Variants in BABAM2 observed in about 807,000 individuals in gnomAD.
The protein encoded by BABAM2 is BRISC and BRCA1 A complex member 2.
Under a neutral mutation model 54.7 loss-of-function variants are expected in BABAM2, and 31 were observed. The ratio of observed to expected loss-of-function variants is 0.57; its 90% CI spans 0.43 to 0.77. The LOEUF (loss-of-function observed/expected upper bound fraction) is 0.77. BABAM2 is among the 30% of genes least tolerant of loss of function. The pLI is 0.00. For missense variants in BABAM2, 364 were observed against 455.8 expected (o/e 0.80, Z 1.83); for synonymous variants, 167 against 162.9 (o/e 1.03, Z -0.19).
intron 7 of BABAM2, among the ~76,000 whole-genome samples, chr2:28,143,306 A>C (rs1573672721): frequency 6.6e-6 from 1 of 152,114 alleles, no homozygotes; most frequent in Admixed American, 6.5e-5. Context: ...TGTCAAATAC[A>C]CAGAAACAGA....
chr2:28,333,786 A>T (rs1414022839), intron 11 of BABAM2, among the ~76,000 whole-genome samples: 3 of 152,144 alleles, frequency 2.0e-5, no homozygotes, highest in Non-Finnish European at 4.4e-5. Flanking sequence ...GTTAATGGGG[A>T]GGTGAGAAGA....
At chr2:28,235,307 G>C (rs537547068) in intron 7 of BABAM2, among the ~76,000 whole-genome samples, 1 of 152,122 alleles carries the variant, frequency 6.6e-6, no homozygotes, top group African/African-American at 2.4e-5. Context: ...CTCCCAAGTA[G>C]CTGGGATTAC....
chr2:27,998,290 G>A (rs141415727), intron 4 of BABAM2, among the ~76,000 whole-genome samples: 1,822 of 151,830 alleles, frequency 0.012, 12 homozygotes, highest in Admixed American at 0.018. Flanking sequence ...CAAAGAGCTG[G>A]ATTTAAACAA....
intron 2 of BABAM2, among the ~76,000 whole-genome samples, chr2:27,905,683 C>G (rs1348787060): frequency 6.6e-6 from 1 of 152,072 alleles, no homozygotes; most frequent in Non-Finnish European, 1.5e-5. Context: ...AGCAGTATAA[C>G]AGGAACTATT....
In BABAM2 at chr2:28,224,609, A is replaced by G. The variant is rs72855692; in HGVS notation, c.681-12593A>G. 8.8e-3 allele frequency among the ~76,000 whole-genome samples: 1,347 copies of G among 152,268 alleles called. 13 individuals carry two copies. The highest frequency in any genetic ancestry group is 0.03 in the African/African-American group (1,252 of 41,526). ...ACACTGCTGTGGGCCTCTGCTGACA[A>G]TGCAAGCTCTCACAAAACTGAACGT... On this transcript the variant is annotated intron_variant, in intron 7 of 11. Coordinates refer to ENST00000379624, the MANE Select transcript of BABAM2 (RefSeq NM_199191.3).
intron 1 of BABAM2, among the ~76,000 whole-genome samples, chr2:27,893,447 T>A (rs1032010828): frequency 6.6e-6 from 1 of 152,226 alleles, no homozygotes; most frequent in Non-Finnish European, 1.5e-5. Context: ...GTTATATCTC[T>A]TCCTTGGATC....
At chr2:28,147,967 A>G (rs918189450) in intron 7 of BABAM2, among the ~76,000 whole-genome samples, 1 of 152,142 alleles carries the variant, frequency 6.6e-6, no homozygotes, top group Non-Finnish European at 1.5e-5. Flanking sequence ...CTAATGGGAT[A>G]TTATCACTCC....
chr2:28,307,763 A>G (rs1572387819), intron 11 of BABAM2: 1 of 152,130 alleles, frequency 6.6e-6, no homozygotes, highest in African/African-American at 2.4e-5. Context: ...ATTACCTTCC[A>G]TCTTATTCTG....
At chr2:27,947,171 T>A (rs1167884795) in intron 3 of BABAM2, among the ~76,000 whole-genome samples, 1 of 152,208 alleles carries the variant, frequency 6.6e-6, no homozygotes, top group Non-Finnish European at 1.5e-5. Context: ...TGATTGCCAC[T>A]ATGGCTGGAT....
intron 2 of BABAM2, among the ~76,000 whole-genome samples, chr2:27,907,883 A>G (rs919048545): frequency 4.6e-5 from 7 of 152,196 alleles, no homozygotes; most frequent in Non-Finnish European, 8.8e-5. Context: ...TAGTATTTCA[A>G]TGTATGTATA....
At chr2:28,310,486 A>C in intron 11 of BABAM2, 1 of 220,880 alleles carries the variant, frequency 4.5e-6, no homozygotes, top group African/African-American at 2.2e-5. Context: ...CCCCCTGTTT[A>C]TCCTGCTTTC....
At chr2:28,042,881 G>A (rs541659326) in intron 5 of BABAM2, among the ~76,000 whole-genome samples, 47 of 151,768 alleles carry the variant, frequency 3.1e-4, no homozygotes, top group Middle Eastern at 3.4e-3. Flanking sequence ...AAAATTAGCC[G>A]GGCGTGGTGG....
chr2:27,964,832 A>C (rs1558622965), intron 3 of BABAM2, among the ~76,000 whole-genome samples: 1 of 152,198 alleles, frequency 6.6e-6, no homozygotes, highest in East Asian at 1.9e-4. Context: ...TACTCATCAC[A>C]TTCTGTTCTT....
At chr2:28,251,297 G>T (rs770648540) in intron 10 of BABAM2, among the ~76,000 whole-genome samples, 7 of 151,826 alleles carry the variant, frequency 4.6e-5, no homozygotes, top group Non-Finnish European at 1.0e-4. Context: ...ACTAATTCTG[G>T]TAGTCATTTA....
chr2:28,113,533 T>C (rs529733478), intron 6 of BABAM2, among the ~76,000 whole-genome samples: 1 of 152,340 alleles, frequency 6.6e-6, no homozygotes, highest in African/African-American at 2.4e-5. Context: ...ACCAGTACCA[T>C]GCTGTTTTGG....
intron 11 of BABAM2, among the ~76,000 whole-genome samples, chr2:28,323,060 C>T (rs941269110): frequency 6.6e-6 from 1 of 151,306 alleles, no homozygotes; most frequent in African/African-American, 2.5e-5. Flanking sequence ...GAAAGCAGAG[C>T]CCCCCACTCT....
At chr2:28,058,564 TG>T (rs1043421239) in intron 6 of BABAM2, among the ~76,000 whole-genome samples, 1 of 150,564 alleles carries the variant, frequency 6.6e-6, no homozygotes, top group Admixed American at 6.6e-5. Flanking sequence ...TATATATATA[TG>T]TATATATATA....
intron 6 of BABAM2, among the ~76,000 whole-genome samples, chr2:28,063,190 T>A (rs1679039173): frequency 6.6e-6 from 1 of 152,194 alleles, no homozygotes; most frequent in Non-Finnish European, 1.5e-5. Flanking sequence ...TTTTCTTTTC[T>A]GAGATATTTG....
chr2:28,026,978 A>ATATT (rs1491342790), intron 5 of BABAM2, among the ~76,000 whole-genome samples: 1 of 105,868 alleles, frequency 9.4e-6, no homozygotes, highest in Admixed American at 1.3e-4. Context: ...ATAAATATAT[A>ATATT]AATATATATA....
Sources: allele counts gnomAD v4.1 joint callset (sites outside exome capture counted in the v4.1 genomes callset), GRCh38; gene constraint gnomAD v4.1.1; transcripts MANE v1.5; gene names NCBI Gene and HGNC (gene_info 2026-07-23, HGNC 2026-07-21).